The following SLA variants were observed in gnomAD, a reference collection of about 807,000 sequenced individuals.
SLA encodes src-like-adapter.
A neutral mutation model predicts 30.3 loss-of-function variants in SLA; 16 were observed. The observed-to-expected ratio is 0.53, with a 90% CI of 0.36 to 0.80. The LOEUF is 0.80. Ranked by LOEUF, SLA falls within the 30% of genes least tolerant of loss-of-function variation. The pLI is 0.01. For missense variants in SLA, 310 were observed against 345.2 expected (o/e 0.90, Z 0.81); for synonymous variants, 143 against 137.8 (o/e 1.04, Z -0.26).
chr8:133,093,517 A>G (rs1255779127), intron 1 of SLA, among the ~76,000 whole-genome samples: 1 of 152,132 alleles, frequency 6.6e-6, no homozygotes, highest in Non-Finnish European at 1.5e-5. Context: ...TCTGGAGTCT[A>G]TGGACCTAGT....
chr8:133,038,859 T>A, intron 8 of SLA, 122 bp from the exon 9 acceptor site: 1 of 618,722 alleles, frequency 1.6e-6, no homozygotes, highest in South Asian at 2.1e-5. Flanking sequence ...CTGGTGACTA[T>A]TTCTCTAACT....
chr8:133,055,512 T>G (rs2131278098), intron 3 of SLA, among the ~76,000 whole-genome samples: 1 of 152,226 alleles, frequency 6.6e-6, no homozygotes, highest in Non-Finnish European at 1.5e-5. Context: ...GTGAGCCCTC[T>G]TAGTCATATG....
chr8:133,052,424 T>C (rs1840584939), intron 3 of SLA, among the ~76,000 whole-genome samples: 1 of 152,102 alleles, frequency 6.6e-6, no homozygotes, highest in Non-Finnish European at 1.5e-5. Context: ...CTTTACAATA[T>C]GGAAAGGGAT....
intron 7 of SLA, among the ~76,000 whole-genome samples, chr8:133,043,119 C>G: frequency 6.6e-6 from 1 of 152,254 alleles, no homozygotes; most frequent in East Asian, 1.9e-4. Flanking sequence ...CAGAGGTGAA[C>G]AGATGACTGT....
rs1235969636 is a variant in SLA, at chr8:133,060,149, G to A, written c.12C>T (p.Ser4=). Residue 4 remains serine, a synonymous_variant, in exon 3 of 9, where the codon AGC becomes AGT. Transcript: ENST00000338087. The part of the protein sequence containing the change: MGN[S]MKSTPAPAER... ...CGGCAGGCGCAGGGGTGGATTTCAT[G>A]CTGTTTCCCATTTCTTTCTTTTTCC... 1 of 1,612,630 alleles carries A rather than the reference G, an allele frequency of 6.2e-7. No individual in the cohort carries two copies.
rs748250189 is a variant in SLA, at chr8:133,038,596, G to A, written c.759C>T (p.Ser253=). The A allele has an allele frequency of 3.7e-6, 6 of 1,614,098 alleles. No homozygotes were observed. Among genetic ancestry groups the A allele is most frequent in the Non-Finnish European group, 4.2e-6 (5 of 1,179,938 alleles). ...DNTSFDRKKK[S]ISLMYGGSKR... Reference sequence around the variant, plus strand: ...TGCTGCCACCATACATCAGGGAGATGCTTTTCTTCTTTCGATCAAAGGAGG... The same window carrying A: ...TGCTGCCACCATACATCAGGGAGATACTTTTCTTCTTTCGATCAAAGGAGG... Residue 253 remains serine (S), a synonymous_variant, in exon 9 of 9, where the codon AGC becomes AGT. Coordinates refer to ENST00000338087, the MANE Select transcript of SLA (RefSeq NM_001045556.3).
chr8:133,088,240 G>T (rs1846922843), intron 1 of SLA, among the ~76,000 whole-genome samples: 1 of 150,810 alleles, frequency 6.6e-6, no homozygotes, highest in Non-Finnish European at 1.5e-5. Flanking sequence ...TGATGGAGGA[G>T]CCAGGCTCCC....
intron 1 of SLA, among the ~76,000 whole-genome samples, chr8:133,101,454 C>A (rs1377654961): frequency 1.3e-5 from 2 of 152,188 alleles, no homozygotes; most frequent in Non-Finnish European, 2.9e-5. Flanking sequence ...CAAGGAGGAC[C>A]TGAAGATGGC....
intron 3 of SLA, among the ~76,000 whole-genome samples, chr8:133,055,438 G>A (rs962928353): frequency 7.9e-5 from 12 of 151,480 alleles, no homozygotes; most frequent in Admixed American, 7.9e-4. Context: ...CAATCACACA[G>A]AGCTGGACCA....
At chr8:133,068,813 T>C (rs551223226) in intron 2 of SLA, among the ~76,000 whole-genome samples, 1 of 152,370 alleles carries the variant, frequency 6.6e-6, no homozygotes, top group Admixed American at 6.5e-5. Context: ...CTAGATAGAC[T>C]TTCTGTACAC....
intron 3 of SLA, among the ~76,000 whole-genome samples, chr8:133,055,144 A>G (rs1388792234): frequency 2.0e-5 from 3 of 152,128 alleles, no homozygotes; most frequent in African/African-American, 7.2e-5. Context: ...TCCTCAGCCC[A>G]CACTTGACCC....
rs142984250 is a variant in SLA at position 133,060,105 on chromosome 8, G to T, written c.56C>A (p.Pro19Gln). ...ACCAGAGAAGCCAGACTTACCCTCC[G>T]GGTTGGGCAGGGGCCTCTCGGCAGG... ...PAPAERPLPN[P>Q]EGLDSDFLAV... is the part of the protein sequence containing the mutation. The change falls in exon 3 of 9, where the codon CCG (proline) becomes CAG (glutamine). Residue 19 changes from proline (P) to glutamine (Q), a missense_variant. Pro to Gln is a moderately conservative substitution (Grantham distance 76). Transcript: ENST00000338087. 3 of 1,598,348 alleles carry T rather than the reference G, an allele frequency of 1.9e-6. No individual in the cohort carries two copies. Among genetic ancestry groups the T allele is most frequent in the South Asian group, 1.1e-5 (1 of 88,952 alleles).
chr8:133,100,909 A>T (rs761724015), intron 1 of SLA, among the ~76,000 whole-genome samples: 1 of 152,198 alleles, frequency 6.6e-6, no homozygotes, highest in Non-Finnish European at 1.5e-5. Flanking sequence ...ACTTTACGTT[A>T]TCTCAACTGT....
chr8:133,043,128 G>A (rs922932200), intron 7 of SLA, among the ~76,000 whole-genome samples: 1 of 152,160 alleles, frequency 6.6e-6, no homozygotes, highest in African/African-American at 2.4e-5. Context: ...ACAGATGACT[G>A]TAATCCATTG....
intron 1 of SLA, among the ~76,000 whole-genome samples, chr8:133,096,779 A>G (rs371580747): frequency 1.3e-5 from 2 of 152,182 alleles, no homozygotes; most frequent in East Asian, 1.9e-4. Flanking sequence ...CCAATCCTGA[A>G]AAAGACACTG....
At chr8:133,077,365 G>A (rs983774401) in intron 1 of SLA, among the ~76,000 whole-genome samples, 9 of 152,284 alleles carry the variant, frequency 5.9e-5, no homozygotes, top group East Asian at 1.9e-4. Context: ...GGTCAGGGCC[G>A]CAGGCTCTTC....
At chr8:133,069,697 A>G (rs917410604) in intron 2 of SLA, among the ~76,000 whole-genome samples, 2 of 152,136 alleles carry the variant, frequency 1.3e-5, no homozygotes, top group African/African-American at 4.8e-5. Context: ...ATAAAAGGGA[A>G]CAGTTAGAAA....
At chr8:133,083,424 T>A (rs1846041465) in intron 1 of SLA, among the ~76,000 whole-genome samples, 1 of 152,220 alleles carries the variant, frequency 6.6e-6, no homozygotes, top group Non-Finnish European at 1.5e-5. Flanking sequence ...CTCATCCCTA[T>A]TTTACATTAG....
Position 133,042,418 on chromosome 8 carries a change from C to T in SLA, c.485-2288G>A, listed in dbSNP as rs114504308. 6.1e-3 allele frequency among the ~76,000 whole-genome samples: 929 copies of T among 152,224 alleles called. 14 individuals are homozygous for T. The highest frequency in any genetic ancestry group is 0.018 in the African/African-American group (733 of 41,556). ...CCATATTTTAGAATTCATGTATGCCCCATGCACTCTGTTCTCTCAGTAACC... is the reference window on the plus strand; with the variant it reads ...CCATATTTTAGAATTCATGTATGCCTCATGCACTCTGTTCTCTCAGTAACC... On this transcript the variant is annotated intron_variant, in intron 7 of 8. Coordinates refer to ENST00000338087, the MANE Select transcript of SLA (RefSeq NM_001045556.3).
Sources: allele counts gnomAD v4.1 joint callset (sites outside exome capture counted in the v4.1 genomes callset), GRCh38; gene constraint gnomAD v4.1.1; transcripts MANE v1.5; gene names NCBI Gene and HGNC (gene_info 2026-07-23, HGNC 2026-07-21).